Variants in TENM3 observed in about 807,000 individuals in gnomAD.
TENM3 encodes teneurin transmembrane protein 3, also known as teneurin-3.
TENM3 carries 63 observed loss-of-function variants against 255.1 expected under a neutral mutation model. The observed-to-expected ratio is 0.25, with a 90% CI of 0.20 to 0.30. The LOEUF (loss-of-function observed/expected upper bound fraction) is 0.30. Ranked by LOEUF, TENM3 falls within the 10% of genes least tolerant of loss-of-function variation. TENM3 has a pLI of 1.00. For missense variants in TENM3, 2,929 were observed against 3,461.1 expected, an observed-to-expected ratio of 0.85 and a Z score of 3.86; for synonymous variants, 1,306 against 1,322.3, an observed-to-expected ratio of 0.99 and a Z score of 0.27.
intron 16 of TENM3, among the ~76,000 whole-genome samples, chr4:182,732,796 G>C (rs1311650735): frequency 1.3e-5 from 2 of 152,184 alleles, no homozygotes; most frequent in Non-Finnish European, 1.5e-5. Flanking sequence ...CTGCACTCCA[G>C]CCTGGGTGCT....
chr4:181,856,825 T>G, the TENM3 span, among the ~76,000 whole-genome samples: 1 of 152,158 alleles, frequency 6.6e-6, no homozygotes, highest in Non-Finnish European at 1.5e-5. Context: ...ATAAGGATGG[T>G]GAAGTGAAGT....
At chr4:181,574,463 G>T in the TENM3 span, among the ~76,000 whole-genome samples, 1 of 151,806 alleles carries the variant, frequency 6.6e-6, no homozygotes, top group South Asian at 2.1e-4. Flanking sequence ...CCCGGGAGGC[G>T]GAGCTTGCAG....
chr4:182,128,339 T>A, the TENM3 span, among the ~76,000 whole-genome samples: 1 of 152,062 alleles, frequency 6.6e-6, no homozygotes, highest in Non-Finnish European at 1.5e-5. Flanking sequence ...TCTTTCTTTC[T>A]TTTCTTATTT....
chr4:181,805,590 TGC>T, the TENM3 span, among the ~76,000 whole-genome samples: 8 of 102,682 alleles, frequency 7.8e-5, no homozygotes, highest in Non-Finnish European at 1.6e-4. Context: ...ACGCCGTGTG[TGC>T]ACTTTTGTGT....
intron 3 of TENM3, among the ~76,000 whole-genome samples, chr4:182,551,553 G>A: frequency 7.0e-6 from 1 of 142,894 alleles, no homozygotes; most frequent in Non-Finnish European, 1.5e-5. Context: ...TTGTACAAAA[G>A]AGAGAGATAA....
chr4:181,745,590 G>A, the TENM3 span, among the ~76,000 whole-genome samples: 46 of 152,184 alleles, frequency 3.0e-4, no homozygotes, highest in African/African-American at 1.1e-3. Flanking sequence ...CTGAGCCATT[G>A]CAAAGTAATT....
chr4:181,644,821 T>A, the TENM3 span, among the ~76,000 whole-genome samples: 1 of 152,134 alleles, frequency 6.6e-6, no homozygotes, highest in Admixed American at 6.5e-5. Context: ...TCTCTGATTT[T>A]AAGAGCCCTG....
chr4:182,432,099 G>T (rs1465651894), intron 3 of TENM3, among the ~76,000 whole-genome samples: 3 of 150,276 alleles, frequency 2.0e-5, no homozygotes, highest in Non-Finnish European at 4.4e-5. Flanking sequence ...AAGAAAGAAA[G>T]AAAAGAAAAG....
chr4:181,615,613 C>A, the TENM3 span, among the ~76,000 whole-genome samples: 14,768 of 152,176 alleles, frequency 0.097, 820 homozygotes, highest in South Asian at 0.2. Context: ...TAGTAACTCC[C>A]AGCAGCTCAA....
At chr4:182,328,717 G>A (rs946214876) in intron 2 of TENM3, among the ~76,000 whole-genome samples, 2 of 152,034 alleles carry the variant, frequency 1.3e-5, no homozygotes, top group African/African-American at 2.4e-5. Flanking sequence ...TCCCCTCTTT[G>A]GGCCGTGCCG....
intron 1 of TENM3, among the ~76,000 whole-genome samples, chr4:182,284,980 A>C (rs866071955): frequency 2.0e-5 from 3 of 152,172 alleles, no homozygotes; most frequent in East Asian, 1.9e-4. Context: ...TCAAAGAGGC[A>C]CAAGTTAATA....
the TENM3 span, among the ~76,000 whole-genome samples, chr4:182,071,773 A>G: frequency 6.6e-6 from 1 of 152,194 alleles, no homozygotes; most frequent in Non-Finnish European, 1.5e-5. Flanking sequence ...CAATAGATTA[A>G]TGTCAACGAT....
the TENM3 span, among the ~76,000 whole-genome samples, chr4:181,563,606 A>T: frequency 6.6e-6 from 1 of 152,188 alleles, no homozygotes; most frequent in Admixed American, 6.5e-5. Flanking sequence ...TGGAACTGAA[A>T]GCCAACTATC....
In TENM3 at chr4:182,800,882, G is replaced by A. The variant is rs989217295; in HGVS notation, c.*531G>A. ...GGACATTGGCACAGTGACTTCTGCG[G>A]CGGGGATTTATTAATGGATTTTACA... is the stretch of plus-strand genomic sequence containing the variant. On this transcript the variant is annotated 3_prime_UTR_variant, in exon 28 of 28. Transcript: ENST00000511685. 1 of 152,704 alleles carries A rather than the reference G, an allele frequency of 6.5e-6. No individual in the cohort carries two copies. Among genetic ancestry groups the A allele is most frequent in the Admixed American group, 6.5e-5 (1 of 15,294 alleles). The allele number at this position is 152,704 out of a possible 1,614,324, so 9.5% of individuals were successfully genotyped here.
chr4:182,281,820 C>T (rs925363871), intron 1 of TENM3, among the ~76,000 whole-genome samples: 36 of 152,184 alleles, frequency 2.4e-4, no homozygotes, highest in Non-Finnish European at 2.9e-5. Context: ...ACTGCTACCT[C>T]CACCTCCTGG....
chr4:182,672,370 A>G (rs1755293521), intron 6 of TENM3, among the ~76,000 whole-genome samples: 1 of 152,192 alleles, frequency 6.6e-6, no homozygotes, highest in Admixed American at 6.5e-5. Flanking sequence ...GGCTCAAAAG[A>G]AAGAGGAAAA....
intron 23 of TENM3, among the ~76,000 whole-genome samples, chr4:182,774,310 C>T (rs1174475121): frequency 6.6e-6 from 1 of 152,164 alleles, no homozygotes; most frequent in Non-Finnish European, 1.5e-5. Flanking sequence ...CCATCTAAAA[C>T]TGCTATTGCT....
the TENM3 span, among the ~76,000 whole-genome samples, chr4:181,770,674 C>CAAAA: frequency 5.2e-5 from 4 of 76,620 alleles, no homozygotes; most frequent in East Asian, 4.2e-4. Flanking sequence ...GACTCTGTCT[C>CAAAA]AAAAAAAAAA....
At chr4:181,995,634 A>G in the TENM3 span, among the ~76,000 whole-genome samples, 2,132 of 152,196 alleles carry the variant, frequency 0.014, 65 homozygotes, top group African/African-American at 0.048. Flanking sequence ...TTCAAAAACA[A>G]TCATCTGTAT....
Sources: gnomAD v4.1 joint callset for allele counts (sites outside exome capture counted in the v4.1 genomes callset) on GRCh38, gnomAD v4.1.1 for gene constraint, MANE v1.5 for transcripts, NCBI Gene and HGNC (gene_info 2026-07-23, HGNC 2026-07-21) for gene names.